The following RBMS1 variants were observed in gnomAD, a reference collection of about 807,000 sequenced individuals.
RBMS1 encodes the protein RNA-binding motif, single-stranded-interacting protein 1.
In RBMS1, 17 loss-of-function variants were observed where a neutral mutation model predicts 62.3. The ratio of observed to expected loss-of-function variants is 0.27; its 90% CI spans 0.19 to 0.41. The LOEUF (loss-of-function observed/expected upper bound fraction) is 0.41. RBMS1 is among the 10% of genes least tolerant of loss of function. The pLI is 1.00. For synonymous variants in RBMS1, 172 were observed against 170.0 expected, an observed-to-expected ratio of 1.01 and a Z score of -0.09; for missense variants, 334 against 504.5, an observed-to-expected ratio of 0.66 and a Z score of 3.24.
At chr2:160,282,434 G>A in intron 9 of RBMS1, 1 of 711,232 alleles carries the variant, frequency 1.4e-6, no homozygotes, top group African/African-American at 1.8e-5. Context: ...ATAAGCTTAT[G>A]GTGGTTTAGT....
Position 160,443,469 on chromosome 2 carries a change from G to A in RBMS1, c.75+49820C>T, listed in dbSNP as rs181720224. On this transcript the variant is annotated intron_variant, in intron 1 of 13. Coordinates refer to ENST00000348849, the MANE Select transcript of RBMS1 (RefSeq NM_016836.4). ...TGGATCGTGGGGGTGGATCCCTCTT[G>A]AATAGCCTGGGCCATCTCCTGGTGA... Among the ~76,000 whole-genome samples the A allele has an allele frequency of 5.8e-4, 88 of 152,198 alleles. 1 individual carries two copies. The Middle Eastern group carries it at 0.051, about 88-fold the overall frequency.
chr2:160,300,490 C>T (rs1689152551), intron 6 of RBMS1, among the ~76,000 whole-genome samples, 161 bp downstream of exon 6: 1 of 152,158 alleles, frequency 6.6e-6, no homozygotes, highest in Admixed American at 6.5e-5. Context: ...ATGCCTATGC[C>T]TAGGGAGAGG....
intron 1 of RBMS1, chr2:160,407,804 G>T: frequency 1.0e-6 from 1 of 981,322 alleles, no homozygotes; most frequent in Non-Finnish European, 1.2e-6. Flanking sequence ...CCATGGACGG[G>T]AGTTCGCGCG....
chr2:160,356,824 C>T (rs924026794), intron 2 of RBMS1, among the ~76,000 whole-genome samples: 4 of 152,044 alleles, frequency 2.6e-5, no homozygotes, highest in Admixed American at 1.3e-4. Context: ...GATAATTTTG[C>T]TCATAAAACT....
Position 160,321,260 on chromosome 2 carries a change from CCTCCCTTCTCTGTGGCAGGTA to C in RBMS1, c.252-3054_252-3034del, listed in dbSNP as rs546679575. On this transcript the variant is annotated intron_variant, in intron 2 of 13. Transcript: ENST00000348849. ...GGCATGAGTCCGCTCTGCCAGTGCA[CCTCCCTTCTCTGTGGCAGGTA>C]CTCCCCCATCTCATTCCATCTTTCA... Among the ~76,000 whole-genome samples the C allele has an allele frequency of 2.4e-3, 371 of 152,286 alleles. 1 individual carries two copies. Among genetic ancestry groups the C allele is most frequent in the African/African-American group, 8.7e-3 (362 of 41,556 alleles).
chr2:160,335,535 A>G (rs187856963), intron 2 of RBMS1, among the ~76,000 whole-genome samples: 2 of 152,302 alleles, frequency 1.3e-5, no homozygotes, highest in Admixed American at 6.5e-5. Context: ...GCTCTCGCTA[A>G]ATGAAAAGAA....
intron 2 of RBMS1, among the ~76,000 whole-genome samples, chr2:160,341,718 T>A (rs1691884912): frequency 6.6e-6 from 1 of 152,204 alleles, no homozygotes; most frequent in African/African-American, 2.4e-5. Flanking sequence ...TGTGCTACCA[T>A]CTGTTTTATG....
intron 7 of RBMS1, among the ~76,000 whole-genome samples, chr2:160,286,154 G>C (rs1688378007): frequency 6.6e-6 from 1 of 151,700 alleles, no homozygotes; most frequent in South Asian, 2.1e-4. Flanking sequence ...TTAAAAATTA[G>C]CCAGGAGTGG....
intron 1 of RBMS1, among the ~76,000 whole-genome samples, chr2:160,370,643 G>A (rs73969165): frequency 0.013 from 1,952 of 152,292 alleles, 45 homozygotes; most frequent in African/African-American, 0.044. Flanking sequence ...GAATTTGAAC[G>A]CAGGTCTGCT....
At chr2:160,321,182 T>TAGTG (rs1690539888) in intron 2 of RBMS1, among the ~76,000 whole-genome samples, 1 of 152,094 alleles carries the variant, frequency 6.6e-6, no homozygotes. Context: ...AAAGGCTCAG[T>TAGTG]AGTGCTGAAT....
At chr2:160,409,611 C>T (rs921191633) in intron 1 of RBMS1, among the ~76,000 whole-genome samples, 1 of 152,162 alleles carries the variant, frequency 6.6e-6, no homozygotes, top group Non-Finnish European at 1.5e-5. Flanking sequence ...ACTTACTGCT[C>T]AACACCCCAG....
chr2:160,425,364 C>T (rs539403373), intron 1 of RBMS1, among the ~76,000 whole-genome samples: 7 of 152,236 alleles, frequency 4.6e-5, no homozygotes, highest in Admixed American at 1.3e-4. Flanking sequence ...TCTTAGCTCC[C>T]TTAAAGGCTA....
At chr2:160,371,802 C>T (rs1573950080) in intron 1 of RBMS1, among the ~76,000 whole-genome samples, 1 of 152,296 alleles carries the variant, frequency 6.6e-6, no homozygotes, top group East Asian at 1.9e-4. Context: ...TCAGGGAGCA[C>T]TTCCTGCATG....
chr2:160,455,101 T>A (rs1684163647), intron 1 of RBMS1, among the ~76,000 whole-genome samples: 1 of 152,338 alleles, frequency 6.6e-6, no homozygotes, highest in East Asian at 1.9e-4. Flanking sequence ...TGCCATTAAA[T>A]GTTTAATCAG....
At chr2:160,284,954 A>G (rs1360855992) in intron 8 of RBMS1, 41 bp downstream of exon 8, 1 of 1,592,190 alleles carries the variant, frequency 6.3e-7, no homozygotes, top group Admixed American at 1.7e-5. Flanking sequence ...CCACCTTCAC[A>G]TTTTCCCTCA....
chr2:160,373,110 G>A (rs1257768005), intron 1 of RBMS1, among the ~76,000 whole-genome samples: 1 of 152,100 alleles, frequency 6.6e-6, no homozygotes, highest in Non-Finnish European at 1.5e-5. Context: ...CTGTGAAACT[G>A]ACCAATAGAG....
chr2:160,405,574 T>C (rs1695657382), intron 1 of RBMS1, among the ~76,000 whole-genome samples: 1 of 152,216 alleles, frequency 6.6e-6, no homozygotes, highest in Non-Finnish European at 1.5e-5. Context: ...ATACCACTGG[T>C]ACCCGGGGTC....
chr2:160,278,377 T>C lies in RBMS1; in HGVS notation c.1062+171A>G, dbSNP rs1362193416. 9 of 636,604 alleles carry C rather than the reference T, an allele frequency of 1.4e-5. No homozygotes were observed. In the East Asian group the frequency reaches 2.5e-4, roughly 18 times the overall value. 39.4% of individuals were successfully genotyped at this position (636,604 alleles called of 1,614,324 possible). ...AGAGAATAGACTTTCAGTTCATCAA[T>C]TAATTAAGAAATAGCTGAGTATTTA... is the stretch of plus-strand genomic sequence containing the variant. On this transcript the variant is annotated intron_variant, in intron 11 of 13. Transcript: ENST00000348849.
chr2:160,277,759 C>G (rs1687912878), intron 11 of RBMS1: 1 of 174,558 alleles, frequency 5.7e-6, no homozygotes, highest in African/African-American at 2.4e-5. Context: ...AAACTAGTAC[C>G]TAGTATTGTT....
Sources: gnomAD v4.1 joint callset for allele counts (sites outside exome capture counted in the v4.1 genomes callset) on GRCh38, gnomAD v4.1.1 for gene constraint, MANE v1.5 for transcripts, NCBI Gene and HGNC (gene_info 2026-07-23, HGNC 2026-07-21) for gene names.